The following PDE4B variants were observed in gnomAD, a reference collection of about 807,000 sequenced individuals.
PDE4B encodes the protein 3',5'-cyclic-AMP phosphodiesterase 4B.
PDE4B carries 20 observed loss-of-function variants against 82.2 expected under a neutral mutation model. The ratio of observed to expected loss-of-function variants is 0.24; its 90% CI spans 0.17 to 0.35. PDE4B has a LOEUF of 0.35. Among genes scored for constraint, PDE4B ranks in the 10% least tolerant of loss-of-function variants. The pLI is 1.00. For synonymous variants in PDE4B, 320 were observed against 318.9 expected, an observed-to-expected ratio of 1.00 and a Z score of -0.04; for missense variants, 655 against 907.2, an observed-to-expected ratio of 0.72 and a Z score of 3.57.
chr1:65,963,715 G>A (rs1321629567), intron 3 of PDE4B, among the ~76,000 whole-genome samples: 1 of 152,152 alleles, frequency 6.6e-6, no homozygotes, highest in Non-Finnish European at 1.5e-5. Flanking sequence ...CCTCTCCTTA[G>A]TGTGTTCACA....
intron 1 of PDE4B, among the ~76,000 whole-genome samples, chr1:65,912,876 T>C (rs940609962): frequency 6.6e-6 from 1 of 152,174 alleles, no homozygotes; most frequent in Non-Finnish European, 1.5e-5. Flanking sequence ...GTGATGAAAA[T>C]AATCTAACAA....
At position 66,267,793 on chromosome 1, in the gene PDE4B, G is replaced by A. The variant is rs575157544; in HGVS notation, c.634+1706G>A. On this transcript the variant is annotated intron_variant, in intron 7 of 16. Coordinates refer to ENST00000341517, the MANE Select transcript of PDE4B (RefSeq NM_002600.4). ...TTACGGGTTTCAAAATCTCCTTAAC[G>A]TTTAGCCACGGTTAGAAAAGGAAGG... 1.3e-3 allele frequency among the ~76,000 whole-genome samples: 198 copies of A among 152,218 alleles called. 1 individual carries two copies. Among genetic ancestry groups the A allele is most frequent in the Non-Finnish European group, 1.9e-3 (132 of 68,016 alleles).
At chr1:66,288,565 A>G (rs1656847890) in intron 7 of PDE4B, among the ~76,000 whole-genome samples, 1 of 152,124 alleles carries the variant, frequency 6.6e-6, no homozygotes, top group Non-Finnish European at 1.5e-5. Context: ...ATGTTAAAGA[A>G]CGTGAAGTTT....
chr1:66,127,008 A>T (rs570480652), intron 3 of PDE4B, among the ~76,000 whole-genome samples: 2 of 152,166 alleles, frequency 1.3e-5, no homozygotes, highest in African/African-American at 4.8e-5. Context: ...AGAGGGGGGA[A>T]CTATTATAGA....
At chr1:66,159,926 A>G (rs1646577353) in intron 3 of PDE4B, among the ~76,000 whole-genome samples, 1 of 152,156 alleles carries the variant, frequency 6.6e-6, no homozygotes, top group South Asian at 2.1e-4. Flanking sequence ...TGTAGTAGAC[A>G]TTTATAGTTT....
chr1:65,844,308 A>G (rs1356454115), intron 1 of PDE4B, among the ~76,000 whole-genome samples: 1 of 152,192 alleles, frequency 6.6e-6, no homozygotes, highest in Middle Eastern at 3.2e-3. Flanking sequence ...GGTATCCTAC[A>G]ATTTAGCTAG....
intron 1 of PDE4B, among the ~76,000 whole-genome samples, chr1:65,884,473 T>C (rs4320759): frequency 1 from 151,725 of 152,220 alleles, 75,617 homozygotes; most frequent in East Asian, 1. Flanking sequence ...TACAAGGCCA[T>C]GGTAACCAAA....
At chr1:65,924,796 G>T (rs1201254335) in intron 3 of PDE4B, among the ~76,000 whole-genome samples, 1 of 152,206 alleles carries the variant, frequency 6.6e-6, no homozygotes, top group African/African-American at 2.4e-5. Flanking sequence ...CTTGCCATGT[G>T]GGTCTCATAG....
intron 7 of PDE4B, among the ~76,000 whole-genome samples, chr1:66,297,175 G>C (rs1657572920): frequency 6.6e-6 from 1 of 151,992 alleles, no homozygotes; most frequent in African/African-American, 2.4e-5. Context: ...ATTTCTAAGT[G>C]TTCTTGGAAC....
chr1:66,088,903 A>G (rs779742514), intron 3 of PDE4B, among the ~76,000 whole-genome samples: 4 of 152,072 alleles, frequency 2.6e-5, no homozygotes, highest in Admixed American at 6.6e-5. Flanking sequence ...TTTTTTCTGC[A>G]TCTGCAGCCT....
intron 3 of PDE4B, among the ~76,000 whole-genome samples, chr1:66,053,927 T>A (rs893932873): frequency 6.6e-6 from 1 of 152,062 alleles, no homozygotes; most frequent in African/African-American, 2.4e-5. Context: ...ACTATCCTGG[T>A]TTGCTCAAGA....
intron 1 of PDE4B, among the ~76,000 whole-genome samples, chr1:65,884,251 C>A (rs1004286114): frequency 6.6e-6 from 1 of 152,040 alleles, no homozygotes; most frequent in Non-Finnish European, 1.5e-5. Flanking sequence ...CCTCCTTGTA[C>A]CTCTGGTAGA....
At chr1:66,268,667 C>CAAAAAAAAAA (rs36046564) in intron 7 of PDE4B, among the ~76,000 whole-genome samples, 74 of 61,080 alleles carry the variant, frequency 1.2e-3, no homozygotes, top group Non-Finnish European at 1.4e-3. Context: ...GACTCCATCT[C>CAAAAAAAAAA]AAAAAAAAAA....
At chr1:66,372,133 G>GA (rs2050805519) in intron 16 of PDE4B, among the ~76,000 whole-genome samples, 180 bp from the exon 17 acceptor site, 1 of 152,196 alleles carries the variant, frequency 6.6e-6, no homozygotes, top group African/African-American at 2.4e-5. Context: ...GATTAAGAGA[G>GA]AATACATCGA....
At chr1:66,124,721 C>G (rs1645784029) in intron 3 of PDE4B, among the ~76,000 whole-genome samples, 1 of 151,576 alleles carries the variant, frequency 6.6e-6, no homozygotes, top group Admixed American at 6.5e-5. Flanking sequence ...AATGTTGTTT[C>G]CTCATAACAT....
At chr1:65,929,693 C>A (rs927359205) in intron 3 of PDE4B, among the ~76,000 whole-genome samples, 2 of 152,184 alleles carry the variant, frequency 1.3e-5, no homozygotes, top group Non-Finnish European at 2.9e-5. Flanking sequence ...CAATCAGCTT[C>A]ATTACGTTCC....
At chr1:66,266,561 C>T (rs865870755) in intron 7 of PDE4B, 1 of 384,428 alleles carries the variant, frequency 2.6e-6, no homozygotes, top group Non-Finnish European at 5.2e-6. Flanking sequence ...ACCAAAGGCT[C>T]TTTCCAGGTC....
intron 3 of PDE4B, among the ~76,000 whole-genome samples, chr1:66,244,575 G>A (rs958951552): frequency 6.6e-5 from 10 of 152,106 alleles, no homozygotes; most frequent in African/African-American, 1.7e-4. Context: ...TCTGTGGGAC[G>A]TATTGTGATG....
intron 3 of PDE4B, among the ~76,000 whole-genome samples, chr1:66,131,649 G>A (rs1222749166): frequency 3.7e-5 from 3 of 80,036 alleles, no homozygotes; most frequent in Admixed American, 1.6e-4. Flanking sequence ...TACTAACCAG[G>A]GAAAGGATGA....
Sources: allele counts gnomAD v4.1 joint callset (sites outside exome capture counted in the v4.1 genomes callset), GRCh38; gene constraint gnomAD v4.1.1; transcripts MANE v1.5; gene names NCBI Gene and HGNC (gene_info 2026-07-23, HGNC 2026-07-21).